The following CDC42BPA variants were observed in gnomAD, a reference collection of about 807,000 sequenced individuals.
The protein encoded by CDC42BPA is serine/threonine-protein kinase MRCK alpha.
CDC42BPA carries 80 observed loss-of-function variants against 223.5 expected under a neutral mutation model. That is an observed-to-expected ratio of 0.36 (90% CI 0.30 to 0.43). The LOEUF is 0.43. Among genes scored for constraint, CDC42BPA ranks in the 20% least tolerant of loss-of-function variants. CDC42BPA has a pLI of 1.00. For synonymous variants in CDC42BPA, 694 were observed against 718.6 expected, an observed-to-expected ratio of 0.97 and a Z score of 0.55; for missense variants, 1,743 against 2,099.9, an observed-to-expected ratio of 0.83 and a Z score of 3.32.
chr1:227,137,356 C>T (rs951088676), intron 10 of CDC42BPA, among the ~76,000 whole-genome samples: 3 of 151,962 alleles, frequency 2.0e-5, no homozygotes, highest in Admixed American at 6.6e-5. Context: ...GTGAAAAACG[C>T]GGACGATAAG....
chr1:227,306,746 T>G (rs1395372003), intron 1 of CDC42BPA, among the ~76,000 whole-genome samples: 1 of 152,200 alleles, frequency 6.6e-6, no homozygotes, highest in African/African-American at 2.4e-5. Flanking sequence ...AGATCACAGG[T>G]AGCTAGCAAT....
intron 11 of CDC42BPA, among the ~76,000 whole-genome samples, chr1:227,122,932 T>C (rs1688906424): frequency 6.6e-6 from 1 of 152,224 alleles, no homozygotes; most frequent in African/African-American, 2.4e-5. Context: ...ATCCAGAGAC[T>C]ATTATAAATA....
intron 32 of CDC42BPA, among the ~76,000 whole-genome samples, chr1:227,019,541 T>C (rs1455932835): frequency 1.3e-5 from 2 of 152,234 alleles, no homozygotes; most frequent in Non-Finnish European, 1.5e-5. Context: ...TCAATCTATT[T>C]TGCCCAGATT....
chr1:227,036,347 A>G (rs1478733929), intron 24 of CDC42BPA, among the ~76,000 whole-genome samples: 4 of 152,066 alleles, frequency 2.6e-5, no homozygotes, highest in African/African-American at 9.7e-5. Flanking sequence ...GCTGGCCTCA[A>G]AATGATCCTC....
chr1:227,029,357 A>G (rs1050777552), intron 29 of CDC42BPA, 107 bp from the exon 30 acceptor site: 1 of 702,060 alleles, frequency 1.4e-6, no homozygotes, highest in Non-Finnish European at 2.3e-6. Flanking sequence ...ATACGGAAGA[A>G]TAAGACATCA....
intron 32 of CDC42BPA, among the ~76,000 whole-genome samples, chr1:227,021,819 A>G (rs1164939085): frequency 6.6e-6 from 1 of 152,166 alleles, no homozygotes; most frequent in East Asian, 1.9e-4. Flanking sequence ...GGAGATGGAG[A>G]TCATCCTGGC....
intron 7 of CDC42BPA, among the ~76,000 whole-genome samples, chr1:227,146,030 G>A (rs1459859367): frequency 6.6e-6 from 1 of 152,092 alleles, no homozygotes; most frequent in Non-Finnish European, 1.5e-5. Context: ...CTTCAAAGTA[G>A]TGGAATTTGA....
chr1:227,168,020 G>A (rs1046550780), intron 5 of CDC42BPA, among the ~76,000 whole-genome samples: 12 of 152,086 alleles, frequency 7.9e-5, no homozygotes, highest in African/African-American at 2.7e-4. Context: ...CACCTCCTGG[G>A]TTCAAGCAAT....
At chr1:227,061,929 A>G (rs1676002850) in intron 21 of CDC42BPA, among the ~76,000 whole-genome samples, 3 of 152,168 alleles carry the variant, frequency 2.0e-5, no homozygotes, top group Non-Finnish European at 2.9e-5. Flanking sequence ...TGACGCATAT[A>G]TTAAATATCT....
intron 5 of CDC42BPA, among the ~76,000 whole-genome samples, chr1:227,168,497 G>GTTTTTTTTTTTTGTTTTGTT (rs1553374261): frequency 1.2e-5 from 1 of 80,196 alleles, no homozygotes; most frequent in Non-Finnish European, 2.4e-5. Flanking sequence ...CTTCCCTGGT[G>GTTTTTTTTTTTTGTTTTGTT]TTTTTTTTTT....
Position 227,091,994 on chromosome 1 carries a change from A to G in CDC42BPA, c.2250-3T>C. ...CAAATTCCTCCCTTTCACTTTGACT[A>G]ACACAATTCAAAACACAAAAGGAAA... On this transcript the variant is annotated splice_polypyrimidine_tract_variant and splice_region_variant and intron_variant, in intron 15 of 36. Transcript: ENST00000366766. The G allele has an allele frequency of 6.6e-7, 1 of 1,519,240 alleles. No individual in the cohort carries two copies. Among genetic ancestry groups the G allele is most frequent in the East Asian group, 2.3e-5 (1 of 44,000 alleles). The allele number at this position is 1,519,240 out of a possible 1,614,324, so 94.1% of individuals were successfully genotyped here. A position where few individuals can be genotyped will look rare whatever the true frequency, so the allele number is the denominator to read the frequency against.
At chr1:227,100,593 GTTTC>G (rs10608941) in intron 15 of CDC42BPA, among the ~76,000 whole-genome samples, 30,147 of 151,478 alleles carry the variant, frequency 0.2, 3,095 homozygotes, top group Middle Eastern at 0.26. Flanking sequence ...GAAGTTTATC[GTTTC>G]TTTCTTTCTT....
In CDC42BPA at chr1:227,307,884, T is replaced by C. The variant is rs561893923; in HGVS notation, c.178+9121A>G. Among the ~76,000 whole-genome samples, 18 of 152,336 alleles carry C rather than the reference T, an allele frequency of 1.2e-4. No homozygotes were observed. The South Asian group carries it at 3.7e-3, about 32-fold the overall frequency. On this transcript the variant is annotated intron_variant, in intron 1 of 36. Transcript: ENST00000366766. The stretch of plus-strand genomic sequence containing the variant: ...ACCACTGATGTGCAGATTGGAGATA[T>C]ATAAATATAAAAATAAAATGTAATT...
At chr1:227,000,090 AAGT>A (rs1411660547) in intron 35 of CDC42BPA, among the ~76,000 whole-genome samples, 67 of 104,946 alleles carry the variant, frequency 6.4e-4, no homozygotes, top group African/African-American at 2.0e-3. Context: ...CCAGAACTTA[AAGT>A]ATAATAATAA....
chr1:227,087,112 T>C (rs930834880), intron 16 of CDC42BPA, among the ~76,000 whole-genome samples: 2 of 152,226 alleles, frequency 1.3e-5, no homozygotes, highest in African/African-American at 4.8e-5. Flanking sequence ...ATTACTCTTC[T>C]CTCATGCACT....
intron 1 of CDC42BPA, among the ~76,000 whole-genome samples, chr1:227,280,191 G>A (rs939000588): frequency 6.6e-6 from 1 of 152,164 alleles, no homozygotes; most frequent in African/African-American, 2.4e-5. Flanking sequence ...ACATAGCCTG[G>A]TATCAACCAT....
intron 5 of CDC42BPA, among the ~76,000 whole-genome samples, chr1:227,192,155 T>C (rs1214989569): frequency 6.6e-6 from 1 of 152,122 alleles, no homozygotes; most frequent in East Asian, 1.9e-4. Context: ...AGAACTTCAA[T>C]ACTAATTAAA....
At chr1:227,301,609 C>T (rs977149550) in intron 1 of CDC42BPA, among the ~76,000 whole-genome samples, 3 of 152,152 alleles carry the variant, frequency 2.0e-5, no homozygotes, top group Non-Finnish European at 2.9e-5. Context: ...CTGCCCACCT[C>T]GGCCTCCCAA....
At chr1:227,065,924 T>C (rs533153690) in intron 21 of CDC42BPA, among the ~76,000 whole-genome samples, 3 of 152,230 alleles carry the variant, frequency 2.0e-5, no homozygotes, top group Admixed American at 2.0e-4. Context: ...ATTCAAACTT[T>C]AGGTCTTCAA....
Sources: allele counts gnomAD v4.1 joint callset (sites outside exome capture counted in the v4.1 genomes callset), GRCh38; gene constraint gnomAD v4.1.1; transcripts MANE v1.5; gene names NCBI Gene and HGNC (gene_info 2026-07-23, HGNC 2026-07-21).